The following UNC5D variants were observed in gnomAD, a reference collection of about 807,000 sequenced individuals.
The protein encoded by UNC5D is unc-5 netrin receptor D.
A neutral mutation model predicts 105.4 loss-of-function variants in UNC5D; 39 were observed. That is an observed-to-expected ratio of 0.37 (90% CI 0.29 to 0.48). The LOEUF (loss-of-function observed/expected upper bound fraction) is 0.48, where lower values mean the gene tolerates loss of function less well. UNC5D is among the 20% of genes least tolerant of loss of function. The probability of loss-of-function intolerance (pLI) is 0.98; values close to 1 mark genes in which losing one functional copy is unlikely to be tolerated. For synonymous variants in UNC5D, 452 were observed against 450.4 expected, an observed-to-expected ratio of 1.00 and a Z score of -0.04; for missense variants, 991 against 1,202.4, an observed-to-expected ratio of 0.82 and a Z score of 2.60.
intron 7 of UNC5D, among the ~76,000 whole-genome samples, chr8:35,703,606 A>C (rs1436298476): frequency 6.6e-6 from 1 of 152,232 alleles, no homozygotes; most frequent in African/African-American, 2.4e-5. Flanking sequence ...ACCTGATAGA[A>C]TTCTACTACT....
intron 1 of UNC5D, among the ~76,000 whole-genome samples, chr8:35,331,555 G>A (rs959495591): frequency 6.6e-6 from 1 of 152,116 alleles, no homozygotes; most frequent in Non-Finnish European, 1.5e-5. Flanking sequence ...GTTAGCCAGT[G>A]AGAAAACAAC....
chr8:35,502,365 C>T (rs1043453083), intron 1 of UNC5D, among the ~76,000 whole-genome samples: 4 of 152,168 alleles, frequency 2.6e-5, no homozygotes, highest in Admixed American at 1.3e-4. Context: ...GTCACACATG[C>T]GTGTGGCAGG....
At chr8:35,430,541 G>A (rs1037239446) in intron 1 of UNC5D, among the ~76,000 whole-genome samples, 10 of 152,122 alleles carry the variant, frequency 6.6e-5, no homozygotes, top group African/African-American at 9.7e-5. Context: ...CCTGGGGATC[G>A]CAATTGGCAT....
At chr8:35,631,604 G>A (rs940906345) in intron 4 of UNC5D, among the ~76,000 whole-genome samples, 5 of 152,178 alleles carry the variant, frequency 3.3e-5, no homozygotes, top group African/African-American at 1.2e-4. Flanking sequence ...AAGCAGAAAA[G>A]GGCCGAAGTT....
intron 4 of UNC5D, among the ~76,000 whole-genome samples, chr8:35,647,475 G>A (rs1823126581): frequency 1.3e-5 from 2 of 151,682 alleles, no homozygotes; most frequent in Admixed American, 1.3e-4. Flanking sequence ...AATTATACAA[G>A]CATTACATTT....
chr8:35,396,243 T>C (rs962910797), intron 1 of UNC5D, among the ~76,000 whole-genome samples: 12 of 152,078 alleles, frequency 7.9e-5, no homozygotes, highest in South Asian at 2.1e-4. Flanking sequence ...GGAGCACTCA[T>C]AGGACTCAGC....
chr8:35,497,094 G>A (rs979582531), intron 1 of UNC5D, among the ~76,000 whole-genome samples: 7 of 152,136 alleles, frequency 4.6e-5, no homozygotes, highest in Non-Finnish European at 7.3e-5. Context: ...TTAAATTTGT[G>A]TATTTTTATG....
At position 35,560,033 on chromosome 8, in the gene UNC5D, C is replaced by T. The variant is rs182827196; in HGVS notation, c.323-8065C>T. On this transcript the variant is annotated intron_variant, in intron 2 of 16. Transcript: ENST00000404895. ...GTCTATCTACAACTAAACCATCCAA[C>T]GGCCTAGAAAGCTTATTAGCATATC... Among the ~76,000 whole-genome samples the T allele has an allele frequency of 3.6e-3, 542 of 152,310 alleles. 4 individuals carry two copies. Among genetic ancestry groups the T allele is most frequent in the African/African-American group, 0.012 (505 of 41,574 alleles).
intron 1 of UNC5D, among the ~76,000 whole-genome samples, chr8:35,281,310 G>A (rs954741511): frequency 6.6e-6 from 1 of 152,060 alleles, no homozygotes; most frequent in Non-Finnish European, 1.5e-5. Context: ...ATACTAAGTC[G>A]GCTATACAAG....
chr8:35,578,088 G>C (rs1818210102), intron 3 of UNC5D, among the ~76,000 whole-genome samples: 1 of 151,722 alleles, frequency 6.6e-6, no homozygotes, highest in African/African-American at 2.4e-5. Flanking sequence ...AGCTAGGTGT[G>C]GTGGTGCCTG....
chr8:35,615,624 A>G (rs1820984877), intron 4 of UNC5D, among the ~76,000 whole-genome samples: 1 of 152,192 alleles, frequency 6.6e-6, no homozygotes. Flanking sequence ...AAGTAAGGAC[A>G]GCATTTTTTT....
chr8:35,638,816 C>G (rs1822538027), intron 4 of UNC5D, among the ~76,000 whole-genome samples: 1 of 151,884 alleles, frequency 6.6e-6, no homozygotes, highest in African/African-American at 2.4e-5. Context: ...AAAAAAGTGA[C>G]ATAAATTATC....
chr8:35,621,488 G>T (rs2131029987), intron 4 of UNC5D, among the ~76,000 whole-genome samples: 1 of 152,246 alleles, frequency 6.6e-6, no homozygotes, highest in Middle Eastern at 3.4e-3. Flanking sequence ...CATGTATTGG[G>T]TCATTGTGAG....
chr8:35,759,022 T>G (rs1830638283), intron 13 of UNC5D, among the ~76,000 whole-genome samples: 1 of 152,126 alleles, frequency 6.6e-6, no homozygotes. Flanking sequence ...ACGATTTGCT[T>G]GGGGTCAGGG....
At chr8:35,405,571 T>A (rs1008261544) in intron 1 of UNC5D, among the ~76,000 whole-genome samples, 2 of 152,160 alleles carry the variant, frequency 1.3e-5, no homozygotes, top group Admixed American at 6.5e-5. Context: ...GTGAAAGAAG[T>A]ATAAGAAAAA....
intron 1 of UNC5D, among the ~76,000 whole-genome samples, chr8:35,326,397 G>A (rs1202401247): frequency 6.6e-6 from 1 of 152,168 alleles, no homozygotes; most frequent in Non-Finnish European, 1.5e-5. Context: ...GGAAGGGGAA[G>A]GCCCAGCTGG....
Position 35,495,434 on chromosome 8 carries a change from A to G in UNC5D, c.104-53858A>G, listed in dbSNP as rs1188923491. ...GGGCCACACATAAAATACACTAGTGAAAGCTGATGAACAACAACAACAACA... is the reference window on the plus strand; with the variant it reads ...GGGCCACACATAAAATACACTAGTGGAAGCTGATGAACAACAACAACAACA... On this transcript the variant is annotated intron_variant, in intron 1 of 16. Transcript: ENST00000404895. 4.8e-5 allele frequency among the ~76,000 whole-genome samples: 7 copies of G among 147,080 alleles called. 1 individual carries two copies. The highest frequency in any genetic ancestry group is 8.9e-5 in the Non-Finnish European group (6 of 67,254).
intron 11 of UNC5D, among the ~76,000 whole-genome samples, chr8:35,734,497 G>C (rs913151652): frequency 6.6e-6 from 1 of 151,944 alleles, no homozygotes; most frequent in Non-Finnish European, 1.5e-5. Context: ...TGCAACCTCC[G>C]CCTTCTGGGT....
chr8:35,262,376 T>C (rs1033718094), intron 1 of UNC5D, among the ~76,000 whole-genome samples: 3 of 152,192 alleles, frequency 2.0e-5, no homozygotes, highest in African/African-American at 7.2e-5. Context: ...TGTGTGAATA[T>C]TTGCCCAATA....
Sources: allele counts gnomAD v4.1 joint callset (sites outside exome capture counted in the v4.1 genomes callset), GRCh38; gene constraint gnomAD v4.1.1; transcripts MANE v1.5; gene names NCBI Gene and HGNC (gene_info 2026-07-23, HGNC 2026-07-21).